ZFPM2: variants seen among roughly 807,000 people sequenced by gnomAD.
ZFPM2 encodes zinc finger protein ZFPM2.
ZFPM2 carries 20 observed loss-of-function variants against 98.6 expected under a neutral mutation model. That is an observed-to-expected ratio of 0.20 (90% confidence interval 0.14 to 0.29). The LOEUF (loss-of-function observed/expected upper bound fraction) is 0.29, where lower values mean the gene tolerates loss of function less well. Among genes scored for constraint, ZFPM2 ranks in the 10% least tolerant of loss-of-function variants. ZFPM2 has a pLI of 1.00. For missense variants in ZFPM2, 1,310 were observed against 1,388.6 expected (o/e 0.94, Z 0.90); for synonymous variants, 518 against 502.7 (o/e 1.03, Z -0.41).
chr8:105,768,934 C>A (rs1331774187), intron 5 of ZFPM2, among the ~76,000 whole-genome samples: 1 of 151,706 alleles, frequency 6.6e-6, no homozygotes, highest in Non-Finnish European at 1.5e-5. Context: ...GATCCAGAAA[C>A]CCCCCCATGG....
intron 3 of ZFPM2, among the ~76,000 whole-genome samples, chr8:105,524,952 G>A (rs73304184): frequency 0.084 from 12,749 of 151,960 alleles, 700 homozygotes; most frequent in African/African-American, 0.17. Context: ...TTTTCGTCTC[G>A]CTGATGGCAC....
chr8:105,533,927 T>C (rs150662363), intron 3 of ZFPM2, among the ~76,000 whole-genome samples: 19 of 5,978 alleles, frequency 3.2e-3, no homozygotes, highest in Admixed American at 4.0e-3. Context: ...CTTCTTCCTT[T>C]CTCCCTCCCT....
chr8:105,371,561 G>T (rs1013153366), intron 1 of ZFPM2, among the ~76,000 whole-genome samples: 3 of 151,942 alleles, frequency 2.0e-5, no homozygotes, highest in South Asian at 4.2e-4. Flanking sequence ...CAATCAGAAG[G>T]TCATGAAAGT....
intron 3 of ZFPM2, among the ~76,000 whole-genome samples, chr8:105,522,764 A>G (rs181568899): frequency 2.0e-4 from 30 of 152,196 alleles, no homozygotes; most frequent in Non-Finnish European, 3.8e-4. Flanking sequence ...AAAAAAAAGA[A>G]TATATATTTT....
intron 4 of ZFPM2, among the ~76,000 whole-genome samples, chr8:105,580,502 G>C (rs17289899): frequency 6.6e-6 from 1 of 151,940 alleles, no homozygotes; most frequent in Non-Finnish European, 1.5e-5. Context: ...ACTTGACCTT[G>C]ATGATGGAAC....
chr8:105,542,347 G>GT (rs1208152344), intron 3 of ZFPM2, among the ~76,000 whole-genome samples: 2 of 152,056 alleles, frequency 1.3e-5, no homozygotes, highest in Non-Finnish European at 2.9e-5. Flanking sequence ...GTTGTTGATT[G>GT]TTTTTATCTA....
intron 4 of ZFPM2, among the ~76,000 whole-genome samples, chr8:105,568,680 C>CT (rs1220461040): frequency 2.6e-5 from 4 of 152,104 alleles, no homozygotes; most frequent in Non-Finnish European, 5.9e-5. Flanking sequence ...CTCTTGTCAT[C>CT]TTTTTATTTA....
chr8:105,597,214 A>C (rs183413527), intron 4 of ZFPM2, among the ~76,000 whole-genome samples: 1 of 152,220 alleles, frequency 6.6e-6, no homozygotes, highest in African/African-American at 2.4e-5. Context: ...TATCAGTAAT[A>C]AATCTTTGAA....
chr8:105,620,908 A>G (rs1475453003), intron 4 of ZFPM2, among the ~76,000 whole-genome samples: 1 of 152,206 alleles, frequency 6.6e-6, no homozygotes, highest in South Asian at 2.1e-4. Flanking sequence ...TTTTGGTACC[A>G]GTACCATGCT....
intron 3 of ZFPM2, among the ~76,000 whole-genome samples, chr8:105,500,329 C>G (rs1180559253): frequency 6.6e-6 from 1 of 151,966 alleles, no homozygotes; most frequent in East Asian, 1.9e-4. Flanking sequence ...AAATACCTTG[C>G]TTAAATTTGA....
chr8:105,780,194 A>G (rs1043592026), intron 5 of ZFPM2: 1 of 152,174 alleles, frequency 6.6e-6, no homozygotes, highest in African/African-American at 2.4e-5. Context: ...AGCATAAGAG[A>G]CAGACAAAGA....
chr8:105,447,248 T>A (rs1812393709), intron 3 of ZFPM2, among the ~76,000 whole-genome samples: 2 of 151,742 alleles, frequency 1.3e-5, no homozygotes, highest in Non-Finnish European at 2.9e-5. Flanking sequence ...ATTCCATGGG[T>A]TTAGGTTCAA....
At chr8:105,443,602 GC>G (rs1018291265) in intron 2 of ZFPM2, among the ~76,000 whole-genome samples, 2 of 152,004 alleles carry the variant, frequency 1.3e-5, no homozygotes, top group African/African-American at 4.8e-5. Context: ...TTTCTCCTTT[GC>G]CATAACTATA....
intron 1 of ZFPM2, among the ~76,000 whole-genome samples, chr8:105,337,496 C>G (rs567523929): frequency 1.3e-5 from 2 of 151,834 alleles, no homozygotes; most frequent in African/African-American, 4.8e-5. Flanking sequence ...TTGCCTTTCT[C>G]CTCTTTCCCA....
chr8:105,590,592 A>G (rs1440631331), intron 4 of ZFPM2, among the ~76,000 whole-genome samples: 1 of 152,230 alleles, frequency 6.6e-6, no homozygotes, highest in Non-Finnish European at 1.5e-5. Flanking sequence ...TAATTCGAAG[A>G]AGAGAAATGT....
chr8:105,783,502 A>G (rs1361676813), intron 5 of ZFPM2, among the ~76,000 whole-genome samples: 1 of 152,046 alleles, frequency 6.6e-6, no homozygotes, highest in Non-Finnish European at 1.5e-5. Flanking sequence ...AGAGCTCTTT[A>G]TCTTGCCAAA....
intron 3 of ZFPM2, among the ~76,000 whole-genome samples, chr8:105,560,285 T>A (rs1815104438): frequency 6.6e-6 from 1 of 152,034 alleles, no homozygotes; most frequent in Admixed American, 6.6e-5. Flanking sequence ...GCAAAAGTAA[T>A]TGTGGTTTTT....
At chr8:105,333,376 T>C (rs1418657013) in intron 1 of ZFPM2, among the ~76,000 whole-genome samples, 1 of 151,736 alleles carries the variant, frequency 6.6e-6, no homozygotes, top group African/African-American at 2.4e-5. Flanking sequence ...TTTAATTGAA[T>C]CTGTTTGTGC....
chr8:105,320,654 T>G lies in ZFPM2; in HGVS notation c.40+1673T>G, dbSNP rs1195959175. Among the ~76,000 whole-genome samples, 4 of 152,318 alleles carry G rather than the reference T, an allele frequency of 2.6e-5. No homozygotes were observed. The East Asian group carries it at 7.7e-4, about 29-fold the overall frequency. ...CCTGGGTTTGTTAATAAATAATTAA[T>G]ATTAATTGATTGTATGGCACAAGAC... On this transcript the variant is annotated intron_variant, in intron 1 of 7. Transcript: ENST00000407775.
Sources: gnomAD v4.1 joint callset for allele counts (sites outside exome capture counted in the v4.1 genomes callset) on GRCh38, gnomAD v4.1.1 for gene constraint, MANE v1.5 for transcripts, NCBI Gene and HGNC (gene_info 2026-07-23, HGNC 2026-07-21) for gene names.